ASAP1: variants seen among roughly 807,000 people sequenced by gnomAD.
ASAP1 encodes the protein arf-GAP with SH3 domain, ANK repeat and PH domain-containing protein 1.
In ASAP1, 43 loss-of-function variants were observed where a neutral mutation model predicts 145.2. The observed-to-expected ratio is 0.30, with a 90% CI of 0.23 to 0.38. ASAP1 has a LOEUF of 0.38. Ranked by LOEUF, ASAP1 falls within the 10% of genes least tolerant of loss-of-function variation. ASAP1 has a pLI of 1.00. For synonymous variants in ASAP1, 546 were observed against 515.5 expected, an observed-to-expected ratio of 1.06 and a Z score of -0.80; for missense variants, 1,018 against 1,355.3, an observed-to-expected ratio of 0.75 and a Z score of 3.91.
At chr8:130,149,307 C>A (rs1429438913) in intron 13 of ASAP1, among the ~76,000 whole-genome samples, 1 of 150,482 alleles carries the variant, frequency 6.6e-6, no homozygotes, top group East Asian at 1.9e-4. Flanking sequence ...GAGATTCACA[C>A]TGAATTTGGT....
Position 130,316,168 on chromosome 8 carries a change from C to G in ASAP1, c.186+41849G>C, listed in dbSNP as rs114381967. 4.7e-3 allele frequency among the ~76,000 whole-genome samples: 714 copies of G among 152,350 alleles called. 10 individuals are homozygous for G. Among genetic ancestry groups the G allele is most frequent in the African/African-American group, 0.017 (689 of 41,574 alleles). On this transcript the variant is annotated intron_variant, in intron 3 of 29. Coordinates refer to ENST00000518721, the MANE Select transcript of ASAP1 (RefSeq NM_018482.4). ...AAGTTCACCTGTGACCACTATTATG[C>G]CATCTTCATACCAGTCTCCTCTTCT...
intron 2 of ASAP1, among the ~76,000 whole-genome samples, chr8:130,375,385 A>G (rs1299644134): frequency 3.4e-5 from 5 of 146,388 alleles, no homozygotes; most frequent in Admixed American, 6.8e-5. Context: ...GCAGCAGAGG[A>G]AAAAAAAAAA....
chr8:130,246,244 AT>A (rs912632312), intron 3 of ASAP1, among the ~76,000 whole-genome samples: 26 of 152,144 alleles, frequency 1.7e-4, no homozygotes, highest in African/African-American at 6.0e-4. Flanking sequence ...TGAGTGAAGT[AT>A]GGGCCTCCTA....
At chr8:130,345,310 C>G (rs1825641952) in intron 3 of ASAP1, among the ~76,000 whole-genome samples, 1 of 152,270 alleles carries the variant, frequency 6.6e-6, no homozygotes, top group East Asian at 1.9e-4. Flanking sequence ...TCATTAATCC[C>G]TTTCATACCA....
intron 9 of ASAP1, among the ~76,000 whole-genome samples, chr8:130,173,995 T>C (rs1813775269): frequency 6.8e-6 from 1 of 147,818 alleles, no homozygotes; most frequent in Admixed American, 6.9e-5. Flanking sequence ...GCAGGAGGAC[T>C]GCTTGATGTT....
chr8:130,157,997 G>T (rs1045685342), intron 12 of ASAP1, among the ~76,000 whole-genome samples: 2 of 152,134 alleles, frequency 1.3e-5, no homozygotes, highest in African/African-American at 4.8e-5. Context: ...TCAGGACCTA[G>T]AAGAGTGAGT....
intron 24 of ASAP1, among the ~76,000 whole-genome samples, chr8:130,106,894 G>C (rs2097537676): frequency 6.6e-6 from 1 of 152,212 alleles, no homozygotes; most frequent in African/African-American, 2.4e-5. Flanking sequence ...CTGGAGCCCT[G>C]AGAGTGGGAG....
intron 5 of ASAP1, among the ~76,000 whole-genome samples, chr8:130,198,605 A>G (rs876575): frequency 0.32 from 48,391 of 152,028 alleles, 8,259 homozygotes; most frequent in East Asian, 0.59. Context: ...TGTATCTAAC[A>G]TATATTATCT....
chr8:130,416,169 G>A (rs575299127), intron 1 of ASAP1, among the ~76,000 whole-genome samples: 2 of 152,132 alleles, frequency 1.3e-5, no homozygotes, highest in South Asian at 2.1e-4. Flanking sequence ...GCCACTCCCC[G>A]CCCCACTAGT....
chr8:130,279,550 A>T (rs747536805), intron 3 of ASAP1, among the ~76,000 whole-genome samples: 10 of 152,230 alleles, frequency 6.6e-5, no homozygotes, highest in Non-Finnish European at 1.2e-4. Context: ...AAACAAGCGC[A>T]GGGTTCAAAT....
intron 2 of ASAP1, among the ~76,000 whole-genome samples, chr8:130,398,839 C>T (rs1201434541): frequency 6.6e-6 from 1 of 152,220 alleles, no homozygotes; most frequent in East Asian, 1.9e-4. Flanking sequence ...CAAACTCCAG[C>T]AGGCTGGCTG....
chr8:130,156,263 T>C (rs994411462), intron 12 of ASAP1, among the ~76,000 whole-genome samples: 11 of 152,210 alleles, frequency 7.2e-5, no homozygotes, highest in African/African-American at 2.2e-4. Context: ...TCTGTTTTCA[T>C]GTATAAGCAT....
intron 7 of ASAP1, among the ~76,000 whole-genome samples, chr8:130,183,788 C>T (rs554222107): frequency 1.3e-5 from 2 of 152,208 alleles, no homozygotes; most frequent in African/African-American, 4.8e-5. Context: ...TCTCTGAAAA[C>T]TACTGGAGGT....
intron 4 of ASAP1, among the ~76,000 whole-genome samples, chr8:130,227,294 G>A (rs75805779): frequency 4.6e-3 from 705 of 151,924 alleles, no homozygotes; most frequent in Non-Finnish European, 6.4e-3. Flanking sequence ...ACTCTGTTGC[G>A]CAGGTTGGAG....
intron 3 of ASAP1, among the ~76,000 whole-genome samples, chr8:130,300,153 C>CACAGAGAGAGAGAGAGAGAGAG (rs1196584279): frequency 4.8e-4 from 37 of 76,922 alleles, no homozygotes; most frequent in African/African-American, 1.7e-3. Context: ...CACACACACA[C>CACAGAGAGAGAGAGAGAGAGAG]AGAGAGAGAG....
chr8:130,408,701 T>C (rs1339419186), intron 1 of ASAP1, among the ~76,000 whole-genome samples: 2 of 152,202 alleles, frequency 1.3e-5, no homozygotes, highest in Non-Finnish European at 2.9e-5. Flanking sequence ...GACCCCATCC[T>C]AGGCACATTC....
At chr8:130,202,075 C>T (rs1815904684) in intron 5 of ASAP1, among the ~76,000 whole-genome samples, 1 of 152,122 alleles carries the variant, frequency 6.6e-6, no homozygotes. Context: ...GCTCCCTTTG[C>T]TTGGAAAGCC....
intron 1 of ASAP1, among the ~76,000 whole-genome samples, chr8:130,409,608 C>T (rs1829179642): frequency 1.3e-5 from 2 of 152,204 alleles, no homozygotes; most frequent in South Asian, 4.1e-4. Context: ...CAGAAGCCCA[C>T]CCCAAGAAGA....
intron 3 of ASAP1, chr8:130,340,707 T>G (rs1453506448): frequency 3.4e-6 from 1 of 292,710 alleles, no homozygotes; most frequent in Non-Finnish European, 7.0e-6. Flanking sequence ...GTTGTGCAAT[T>G]TGGGCATTTA....
Sources: allele counts gnomAD v4.1 joint callset (sites outside exome capture counted in the v4.1 genomes callset), GRCh38; gene constraint gnomAD v4.1.1; transcripts MANE v1.5; gene names NCBI Gene and HGNC (gene_info 2026-07-23, HGNC 2026-07-21).